PDE6B: variants seen among roughly 807,000 people sequenced by gnomAD.
The protein encoded by PDE6B is rod cGMP-specific 3',5'-cyclic phosphodiesterase subunit beta.
In PDE6B, 106 loss-of-function variants were observed where a neutral mutation model predicts 109.0. The ratio of observed to expected loss-of-function variants is 0.97; its 90% confidence interval spans 0.83 to 1.14. The LOEUF (loss-of-function observed/expected upper bound fraction) is 1.14. PDE6B is among the 50% of genes most tolerant of loss of function. PDE6B has a pLI of 0.00. For synonymous variants in PDE6B, 490 were observed against 471.3 expected, an observed-to-expected ratio of 1.04 and a Z score of -0.51; for missense variants, 1,193 against 1,155.6, an observed-to-expected ratio of 1.03 and a Z score of -0.47.
At chr4:631,880 C>T (rs1734404572) in intron 1 of PDE6B, among the ~76,000 whole-genome samples, 1 of 150,410 alleles carries the variant, frequency 6.6e-6, no homozygotes, top group Non-Finnish European at 1.5e-5. Context: ...CTGTGTGACA[C>T]CATCTGCTAT....
rs140441389 is a variant in PDE6B, at chr4:625,651, C to T, written c.25C>T (p.Arg9Trp). Residue 9 changes from arginine (R) to tryptophan (W), a missense_variant, in exon 1 of 22, where the codon CGG becomes TGG. Coordinates refer to ENST00000496514, the MANE Select transcript of PDE6B (RefSeq NM_000283.4). The surrounding 1 kb of genome is among the most constrained non-coding windows in gnomAD (Gnocchi z 5.0). ...CATGAGCCTCAGTGAGGAGCAGGCCCGGAGCTTTCTGGACCAGAACCCCGA... is the reference window on the plus strand; with the variant it reads ...CATGAGCCTCAGTGAGGAGCAGGCCTGGAGCTTTCTGGACCAGAACCCCGA... MSLSEEQA[R>W]SFLDQNPDFA... 129 of 1,613,734 alleles carry T rather than the reference C, an allele frequency of 8.0e-5. No homozygotes were observed. In the African/African-American group the frequency reaches 1.1e-3, roughly 14 times the overall value.
At position 666,488 on chromosome 4, in the gene PDE6B, C is replaced by A; in HGVS notation, c.2269-43C>A. ...GGGCTGGGCGGGGCCCCAGGAGCTG[C>A]CTCCCTGGTCACTGTTCTCCCGCCC... On this transcript the variant is annotated intron_variant, in intron 19 of 21. Coordinates refer to ENST00000496514, the MANE Select transcript of PDE6B (RefSeq NM_000283.4). This position sits in a 1 kb window ranked among gnomAD's most constrained non-coding sequence, Gnocchi z 5.6. 1 of 1,381,782 alleles carries A rather than the reference C, an allele frequency of 7.2e-7. No individual in the cohort carries two copies. Among genetic ancestry groups the A allele is most frequent in the Non-Finnish European group, 1.0e-6 (1 of 969,138 alleles). The allele number at this position is 1,381,782 out of a possible 1,614,324, so 85.6% of individuals were successfully genotyped here. A position where few individuals can be genotyped will look rare whatever the true frequency, so the allele number is the denominator to read the frequency against.
chr4:625,881 C>T lies in PDE6B; in HGVS notation c.255C>T (p.Thr85=), dbSNP rs1198221158. The T allele has an allele frequency of 1.9e-6, 3 of 1,607,220 alleles. No homozygotes were observed. The highest frequency in any genetic ancestry group is 2.5e-6 in the Non-Finnish European group (3 of 1,177,538). Residue 85 remains threonine (T), a synonymous_variant, in exon 1 of 22, where the codon ACC becomes ACT. Transcript: ENST00000496514. The surrounding 1 kb of genome is among the most constrained non-coding windows in gnomAD (Gnocchi z 5.0). ...VVFKVLRRLC[T]LLQADRCSLF... ...TCAAGGTCCTGCGGCGCCTCTGCACCCTCCTGCAGGCCGACCGCTGCAGCC... is the reference window on the plus strand; with the variant it reads ...TCAAGGTCCTGCGGCGCCTCTGCACTCTCCTGCAGGCCGACCGCTGCAGCC...
Position 666,087 on chromosome 4 carries a change from C to T in PDE6B, c.2269-444C>T, listed in dbSNP as rs1031695623. Among the ~76,000 whole-genome samples, 1 of 152,170 alleles carries T rather than the reference C, an allele frequency of 6.6e-6. No individual in the cohort carries two copies. The highest frequency in any genetic ancestry group is 1.5e-5 in the Non-Finnish European group (1 of 68,018). Reference sequence around the variant, plus strand: ...CTGTGAGGGGACGGACAGCCCAGGGCACTCGGGGTCTGACACTAGAAACAG... The same window carrying T: ...CTGTGAGGGGACGGACAGCCCAGGGTACTCGGGGTCTGACACTAGAAACAG... On this transcript the variant is annotated intron_variant, in intron 19 of 21. Transcript: ENST00000496514. The surrounding 1 kb of genome is among the most constrained non-coding windows in gnomAD (Gnocchi z 5.6).
chr4:654,031 G>T, intron 4 of PDE6B, 39 bp downstream of exon 4: 1 of 1,613,634 alleles, frequency 6.2e-7, no homozygotes, highest in Non-Finnish European at 8.5e-7. Flanking sequence ...TGCCTGGCCC[G>T]ACCCAGGTCC....
At position 664,236 on chromosome 4, in the gene PDE6B, A is replaced by AG. The variant is rs762278349; in HGVS notation, c.2129+20dup. On this transcript the variant is annotated intron_variant, in intron 17 of 21. Transcript: ENST00000496514. The stretch of plus-strand genomic sequence containing the variant: ...GAGATCGTCATGTGAGCGCGGGCGG[A>AG]GGGGGCACGAGGGGTCCTTCCCTCG... The AG allele has an allele frequency of 7.5e-7, 1 of 1,333,524 alleles. No homozygotes were observed. Among genetic ancestry groups the AG allele is most frequent in the Admixed American group, 1.7e-5 (1 of 59,680 alleles). 82.6% of individuals were successfully genotyped at this position (1,333,524 alleles called of 1,614,324 possible). A position where few individuals can be genotyped will look rare whatever the true frequency, so the allele number is the denominator to read the frequency against.
At chr4:669,974 C>A in intron 21 of PDE6B, 72 bp from the exon 22 acceptor site, 1 of 1,300,384 alleles carries the variant, frequency 7.7e-7, no homozygotes, top group Non-Finnish European at 1.1e-6. Flanking sequence ...GAGGTCACAC[C>A]AGGCAGGAGG....
Position 635,980 on chromosome 4 carries a change from G to T in PDE6B, c.711+11G>T. On this transcript the variant is annotated intron_variant, in intron 3 of 21. Transcript: ENST00000496514. Reference sequence around the variant, plus strand: ...ACGCGCCGCGGCCAGGTACCCACACGCTGAGCACAGCTCTGCCCACGAGGG... The same window carrying T: ...ACGCGCCGCGGCCAGGTACCCACACTCTGAGCACAGCTCTGCCCACGAGGG... 1 of 1,501,164 alleles carries T rather than the reference G, an allele frequency of 6.7e-7. No individual in the cohort carries two copies. Among genetic ancestry groups the T allele is most frequent in the Non-Finnish European group, 9.3e-7 (1 of 1,077,094 alleles). The allele number at this position is 1,501,164 out of a possible 1,614,324, so 93.0% of individuals were successfully genotyped here. A position where few individuals can be genotyped will look rare whatever the true frequency, so the allele number is the denominator to read the frequency against.
rs1186700925 is a variant in PDE6B, at chr4:659,020, A to G, written c.1467+3A>G. The G allele has an allele frequency of 2.5e-6, 4 of 1,611,604 alleles. No homozygotes were observed. The South Asian group carries it at 3.3e-5, about 13-fold the overall frequency. ...AGGACGAGCTGGGCGAAATCCTGGTAAGAACCTTGCTCCCGTCCCTCCCAT... is the reference window on the plus strand; with the variant it reads ...AGGACGAGCTGGGCGAAATCCTGGTGAGAACCTTGCTCCCGTCCCTCCCAT... On this transcript the variant is annotated splice_donor_region_variant and intron_variant, in intron 11 of 21. Coordinates refer to ENST00000496514, the MANE Select transcript of PDE6B (RefSeq NM_000283.4).
chr4:664,022 C>T (rs1737472668), intron 16 of PDE6B, 92 bp from the exon 17 acceptor site: 1 of 1,161,310 alleles, frequency 8.6e-7, no homozygotes, highest in South Asian at 1.2e-5. Context: ...GATGGGGCCT[C>T]GCTCGGGCTC....
chr4:633,707 G>T lies in PDE6B; in HGVS notation c.469-970G>T, dbSNP rs1177657003. On this transcript the variant is annotated intron_variant, in intron 1 of 21. Coordinates refer to ENST00000496514, the MANE Select transcript of PDE6B (RefSeq NM_000283.4). The surrounding 1 kb of genome is among the most constrained non-coding windows in gnomAD (Gnocchi z 4.5). ...TGCCCACTGCAGGTCGCACAGGTGG[G>T]AAGTCCTGACCCCAGCAGGGCTGAC... Among the ~76,000 whole-genome samples, 1 of 152,176 alleles carries T rather than the reference G, an allele frequency of 6.6e-6. No individual in the cohort carries two copies. The highest frequency in any genetic ancestry group is 1.5e-5 in the Non-Finnish European group (1 of 68,016).
rs905552515 is a variant in PDE6B at position 663,299 on chromosome 4, G to A, written c.1920+112G>A. The A allele has an allele frequency of 1.3e-6, 1 of 740,968 alleles. No individual in the cohort carries two copies. The highest frequency in any genetic ancestry group is 1.7e-5 in the African/African-American group (1 of 57,746). The allele number at this position is 740,968 out of a possible 1,614,324, so 45.9% of individuals were successfully genotyped here. A position where few individuals can be genotyped will look rare whatever the true frequency, so the allele number is the denominator to read the frequency against. On this transcript the variant is annotated intron_variant, in intron 15 of 21. Coordinates refer to ENST00000496514, the MANE Select transcript of PDE6B (RefSeq NM_000283.4). The surrounding 1 kb of genome is among the most constrained non-coding windows in gnomAD (Gnocchi z 4.0). ...TTCTGATGCAGCGGGTGAGCACTGG[G>A]TGTGTGAGCACTGGGGGAGGGCGGC...
At chr4:667,630 C>A (rs1737945975) in intron 20 of PDE6B, among the ~76,000 whole-genome samples, 1 of 152,204 alleles carries the variant, frequency 6.6e-6, no homozygotes, top group African/African-American at 2.4e-5. Flanking sequence ...TGCAACACTG[C>A]ACCCTAAGCA....
In PDE6B at chr4:648,600, C is replaced by G; in HGVS notation, c.712-5252C>G. On this transcript the variant is annotated intron_variant, in intron 3 of 21. Coordinates refer to ENST00000496514, the MANE Select transcript of PDE6B (RefSeq NM_000283.4). This position sits in a 1 kb window ranked among gnomAD's most constrained non-coding sequence, Gnocchi z 4.5. ...CCCAGGCACCCTCCAGCTGGAGGCC[C>G]CTGCCATTCCCTTTCTGAAAAGCCT... Among the ~76,000 whole-genome samples the G allele has an allele frequency of 6.6e-6, 1 of 152,046 alleles. No homozygotes were observed. Among genetic ancestry groups the G allele is most frequent in the Non-Finnish European group, 1.5e-5 (1 of 68,004 alleles).
chr4:661,984 C>T (rs1173176303), intron 12 of PDE6B, 150 bp from the exon 13 acceptor site: 15 of 670,918 alleles, frequency 2.2e-5, no homozygotes, highest in African/African-American at 8.8e-5. Flanking sequence ...CAGTGGGAAA[C>T]GCAGGGATGG....
rs747155909 is a variant in PDE6B, at chr4:653,892, C to T, written c.752C>T (p.Thr251Met). 7.4e-6 allele frequency: 12 copies of T among 1,613,816 alleles called. 1 individual carries two copies. Among genetic ancestry groups the T allele is most frequent in the South Asian group, 5.5e-5 (5 of 91,086 alleles). ...WSANKVFEEL[T>M]DIERQFHKAF... is the part of the protein sequence containing the mutation. The stretch of plus-strand genomic sequence containing the variant: ...GCCAACAAGGTGTTTGAGGAGCTGA[C>T]GGACATCGAGAGGCAGTTCCACAAG... The change falls in exon 4 of 22, where the codon ACG (threonine) becomes ATG (methionine). Residue 251 changes from threonine (T) to methionine (M), a missense_variant. By Grantham distance (81) the Thr-to-Met change is moderately conservative. Transcript: ENST00000496514.
chr4:642,357 T>G (rs1227231262), intron 3 of PDE6B, among the ~76,000 whole-genome samples: 1 of 152,090 alleles, frequency 6.6e-6, no homozygotes, highest in Admixed American at 6.6e-5. Context: ...ATGCCTATAA[T>G]TCCAGCTACT....
At position 670,353 on chromosome 4, in the gene PDE6B, G is replaced by T. The variant is rs1312497104; in HGVS notation, c.*246G>T. 2.3e-6 allele frequency: 1 copy of T among 441,986 alleles called. No individual in the cohort carries two copies. The highest frequency in any genetic ancestry group is 4.9e-5 in the East Asian group (1 of 20,594). The allele number at this position is 441,986 out of a possible 1,614,324, so 27.4% of individuals were successfully genotyped here. Reference sequence around the variant, plus strand: ...CACCTCCCAGGTTCAAGCGATTCTCGTGCCTCAGCCTCCTGAGTAGCTGGG... The same window carrying T: ...CACCTCCCAGGTTCAAGCGATTCTCTTGCCTCAGCCTCCTGAGTAGCTGGG... On this transcript the variant is annotated 3_prime_UTR_variant, in exon 22 of 22. Transcript: ENST00000496514.
In PDE6B at chr4:660,527, G is replaced by A. The variant is rs976686132; in HGVS notation, c.1528G>A (p.Glu510Lys). 2 of 1,613,582 alleles carry A rather than the reference G, an allele frequency of 1.2e-6. No individual in the cohort carries two copies. Among genetic ancestry groups the A allele is most frequent in the Non-Finnish European group, 1.7e-6 (2 of 1,179,734 alleles). Residue 510 changes from glutamate to lysine, a missense_variant, in exon 12 of 22, where the codon GAG becomes AAG. Coordinates refer to ENST00000496514, the MANE Select transcript of PDE6B (RefSeq NM_000283.4). ...CTACGAATTCCACTTCTCTGACCTG[G>A]AGTGCACCGAACTGGACCTGGTCAA... ...DIYEFHFSDL[E>K]CTELDLVKCG...
Sources: gnomAD v4.1 joint callset for allele counts (sites outside exome capture counted in the v4.1 genomes callset) on GRCh38, gnomAD v4.1.1 for gene constraint, Gnocchi (gnomAD v3.1) non-coding constraint, MANE v1.5 for transcripts, NCBI Gene and HGNC (gene_info 2026-07-23, HGNC 2026-07-21) for gene names.